SPAG16: variants seen among roughly 807,000 people sequenced by gnomAD.
The protein encoded by SPAG16 is sperm associated antigen 16, also known as sperm-associated antigen 16 protein.
A neutral mutation model predicts 80.4 loss-of-function variants in SPAG16; 86 were observed. The ratio of observed to expected loss-of-function variants is 1.07; its 90% CI spans 0.90 to 1.28. The LOEUF (loss-of-function observed/expected upper bound fraction) is 1.28, where lower values mean the gene tolerates loss of function less well. SPAG16 is among the 50% of genes most tolerant of loss of function. SPAG16 has a pLI of 0.00. For missense variants in SPAG16, 870 were observed against 765.3 expected (o/e 1.14, Z -1.61); for synonymous variants, 294 against 265.9 (o/e 1.11, Z -1.03).
In SPAG16 at chr2:214,214,151, C is replaced by T. The variant is rs377605712; in HGVS notation, c.1720+64885C>T. 8.5e-4 allele frequency among the ~76,000 whole-genome samples: 129 copies of T among 151,516 alleles called. 2 individuals are homozygous for T. Among genetic ancestry groups the T allele is most frequent in the South Asian group, 5.6e-3 (27 of 4,816 alleles). On this transcript the variant is annotated intron_variant, in intron 15 of 15. Transcript: ENST00000331683. Reference sequence around the variant, plus strand: ...ATGTCATTCATACATACTGTTCCCTCTGCCTAAAATATCCTTCCCAACCTT... The same window carrying T: ...ATGTCATTCATACATACTGTTCCCTTTGCCTAAAATATCCTTCCCAACCTT...
chr2:213,601,367 C>T (rs1559297773), intron 10 of SPAG16, among the ~76,000 whole-genome samples: 1 of 152,060 alleles, frequency 6.6e-6, no homozygotes, highest in Non-Finnish European at 1.5e-5. Context: ...GTTAAAATGC[C>T]ATATTTTGGA....
chr2:214,105,644 A>T (rs1442725711), intron 13 of SPAG16, among the ~76,000 whole-genome samples: 4 of 151,936 alleles, frequency 2.6e-5, no homozygotes, highest in Admixed American at 1.3e-4. Flanking sequence ...CATTATTATT[A>T]TTTTTTTTGT....
intron 9 of SPAG16, among the ~76,000 whole-genome samples, chr2:213,442,948 A>G (rs1213306016): frequency 6.6e-6 from 1 of 152,210 alleles, no homozygotes; most frequent in Non-Finnish European, 1.5e-5. Flanking sequence ...AGACATTGTC[A>G]AAAGAATGAA....
intron 10 of SPAG16, among the ~76,000 whole-genome samples, chr2:213,506,724 A>G (rs368866515): frequency 9.1e-4 from 138 of 152,368 alleles, no homozygotes; most frequent in African/African-American, 3.1e-3. Flanking sequence ...AAAATGCAAC[A>G]AAATTTGATT....
At chr2:213,725,778 A>T (rs1240286873) in intron 10 of SPAG16, among the ~76,000 whole-genome samples, 1 of 152,222 alleles carries the variant, frequency 6.6e-6, no homozygotes, top group African/African-American at 2.4e-5. Context: ...ATGTAACAAC[A>T]TGGCTGATCT....
At chr2:214,173,374 T>C (rs529211634) in intron 15 of SPAG16, among the ~76,000 whole-genome samples, 77 of 152,244 alleles carry the variant, frequency 5.1e-4, no homozygotes, top group African/African-American at 1.8e-3. Flanking sequence ...CCGTTGCTTG[T>C]TTTTGTCAGG....
At chr2:213,732,761 T>C (rs1478461207) in intron 10 of SPAG16, among the ~76,000 whole-genome samples, 1 of 152,212 alleles carries the variant, frequency 6.6e-6, no homozygotes, top group Admixed American at 6.5e-5. Context: ...TGAGCAGTGA[T>C]TTATAGTTCT....
intron 15 of SPAG16, among the ~76,000 whole-genome samples, chr2:214,154,501 C>T (rs937030770): frequency 0.035 from 2,610 of 74,368 alleles, 57 homozygotes; most frequent in Non-Finnish European, 0.052. Flanking sequence ...GTATCAGACC[C>T]CCCCCCCCCA....
chr2:213,558,986 T>C (rs1158414618), intron 10 of SPAG16, among the ~76,000 whole-genome samples: 1 of 152,142 alleles, frequency 6.6e-6, no homozygotes, highest in African/African-American at 2.4e-5. Context: ...ATAATCATAA[T>C]GGCATAATTA....
Position 213,876,321 on chromosome 2 carries a change from G to A in SPAG16, c.1214+13693G>A, listed in dbSNP as rs72943116. Among the ~76,000 whole-genome samples the A allele has an allele frequency of 8.3e-3, 212 of 25,644 alleles. 7 individuals are homozygous for A. The highest frequency in any genetic ancestry group is 0.027 in the South Asian group (5 of 184). 16.8% of individuals were successfully genotyped at this position (25,644 alleles called of 152,430 possible). A position where few individuals can be genotyped will look rare whatever the true frequency, so the allele number is the denominator to read the frequency against. On this transcript the variant is annotated intron_variant, in intron 11 of 15. Transcript: ENST00000331683. ...CTTTGAACCAAAAAAAAAAAAAAAA[G>A]AAGAAGAAAAGAAAAGAAAAAGAAT...
chr2:214,314,199 G>A lies in SPAG16; in HGVS notation c.1721-95941G>A, dbSNP rs549960813. ...CCTTGAGTTATACTTTCTTAGAAAT[G>A]GAATTATTACCATCCCATGAATATC... is the stretch of plus-strand genomic sequence containing the variant. On this transcript the variant is annotated intron_variant, in intron 15 of 15. Coordinates refer to ENST00000331683, the MANE Select transcript of SPAG16 (RefSeq NM_024532.5). 4.9e-4 allele frequency among the ~76,000 whole-genome samples: 75 copies of A among 152,144 alleles called. No individual in the cohort carries two copies. The South Asian group carries it at 5.6e-3, about 11-fold the overall frequency.
chr2:213,868,186 A>G, intron 11 of SPAG16, among the ~76,000 whole-genome samples: 1 of 152,098 alleles, frequency 6.6e-6, no homozygotes, highest in East Asian at 1.9e-4. Flanking sequence ...CTCAGCTCAT[A>G]AAATGTAAAT....
chr2:214,262,730 C>A (rs1691267117), intron 15 of SPAG16, among the ~76,000 whole-genome samples: 1 of 151,972 alleles, frequency 6.6e-6, no homozygotes, highest in Non-Finnish European at 1.5e-5. Context: ...GTATTTGATT[C>A]TAATAAACAA....
intron 10 of SPAG16, among the ~76,000 whole-genome samples, chr2:213,679,547 G>A (rs2064275589): frequency 6.7e-6 from 1 of 150,230 alleles, no homozygotes; most frequent in Admixed American, 6.6e-5. Flanking sequence ...TAAAAACGTG[G>A]AGAAACTTTT....
chr2:214,127,005 A>T (rs1318360506), intron 14 of SPAG16, among the ~76,000 whole-genome samples: 1 of 151,870 alleles, frequency 6.6e-6, no homozygotes, highest in Non-Finnish European at 1.5e-5. Context: ...TTCAGTAGAT[A>T]AAAATATTTT....
intron 11 of SPAG16, among the ~76,000 whole-genome samples, chr2:213,888,470 G>A (rs1410103767): frequency 1.3e-5 from 2 of 151,570 alleles, no homozygotes; most frequent in Non-Finnish European, 3.0e-5. Context: ...ATGACTGACA[G>A]TACAAGAGAA....
At chr2:213,900,552 G>T (rs953995099) in intron 11 of SPAG16, among the ~76,000 whole-genome samples, 1 of 152,000 alleles carries the variant, frequency 6.6e-6, no homozygotes, top group East Asian at 1.9e-4. Context: ...TTCTAACTCC[G>T]CTTAAAATTC....
chr2:214,260,336 C>T (rs1691047984), intron 15 of SPAG16, among the ~76,000 whole-genome samples: 1 of 151,918 alleles, frequency 6.6e-6, no homozygotes, highest in South Asian at 2.1e-4. Context: ...TTAAAAAGAG[C>T]TCCCAGAAAA....
chr2:213,712,752 A>AT lies in SPAG16; in HGVS notation c.1071-149732dup, dbSNP rs2066056522. On this transcript the variant is annotated intron_variant, in intron 10 of 15. Coordinates refer to ENST00000331683, the MANE Select transcript of SPAG16 (RefSeq NM_024532.5). Reference sequence around the variant, plus strand: ...TTGAGTCCTCAGAAATTGGAAAAGTATCAAAGCTAGATTATGGTTTACTAA... The same window carrying AT: ...TTGAGTCCTCAGAAATTGGAAAAGTATTCAAAGCTAGATTATGGTTTACTAA... 2.6e-5 allele frequency among the ~76,000 whole-genome samples: 4 copies of AT among 152,178 alleles called. No individual in the cohort carries two copies. The South Asian group carries it at 8.3e-4, about 31-fold the overall frequency.
Sources: gnomAD v4.1 joint callset for allele counts (sites outside exome capture counted in the v4.1 genomes callset) on GRCh38, gnomAD v4.1.1 for gene constraint, MANE v1.5 for transcripts, NCBI Gene and HGNC (gene_info 2026-07-23, HGNC 2026-07-21) for gene names.